Variants in HDAC4 observed in about 807,000 individuals in gnomAD.
The protein encoded by HDAC4 is histone deacetylase 4.
In HDAC4, 16 loss-of-function variants were observed where a neutral mutation model predicts 135.1. That is an observed-to-expected ratio of 0.12 (90% CI 0.08 to 0.18). The LOEUF is 0.18. Ranked by LOEUF, HDAC4 falls within the 10% of genes least tolerant of loss-of-function variation. The pLI is 1.00. For synonymous variants in HDAC4, 685 were observed against 653.4 expected (o/e 1.05, Z -0.74); for missense variants, 1,143 against 1,511.8 (o/e 0.76, Z 4.05).
In HDAC4 at chr2:239,371,751, C is replaced by T. The variant is rs575609462; in HGVS notation, c.-219-18833G>A. 3.3e-5 allele frequency among the ~76,000 whole-genome samples: 5 copies of T among 152,328 alleles called. No homozygotes were observed. In the South Asian group the frequency reaches 8.3e-4, roughly 25 times the overall value. ...GCAGGATGGAGACTGGAGCCTCTGT[C>T]GGCGTGGCCCGGGCCTTTACCTGTG... On this transcript the variant is annotated intron_variant, in intron 1 of 26. Transcript: ENST00000543185.
At chr2:239,069,649 GT>G (rs1187888702) in intron 22 of HDAC4, among the ~76,000 whole-genome samples, 1 of 84,466 alleles carries the variant, frequency 1.2e-5, no homozygotes, top group Non-Finnish European at 2.7e-5. Context: ...CTTGGTGAGA[GT>G]GAGTCACGGT....
intron 6 of HDAC4, 151 bp downstream of exon 6, chr2:239,163,652 C>T: frequency 1.2e-6 from 1 of 849,404 alleles, no homozygotes; most frequent in South Asian, 1.3e-5. Context: ...ACGTCACCCA[C>T]ATCCGAGCAC....
intron 2 of HDAC4, among the ~76,000 whole-genome samples, chr2:239,243,447 C>A (rs765131873): frequency 6.6e-6 from 1 of 152,146 alleles, no homozygotes; most frequent in Admixed American, 6.6e-5. Context: ...CCACCGCTCC[C>A]GGCTGGATAA....
chr2:239,152,779 G>GT (rs1428399416), intron 7 of HDAC4, among the ~76,000 whole-genome samples: 1 of 152,202 alleles, frequency 6.6e-6, no homozygotes, highest in South Asian at 2.1e-4. Context: ...AGGCAAGGAG[G>GT]TGGGGGGATG....
chr2:239,159,300 C>T (rs569271177), intron 6 of HDAC4, among the ~76,000 whole-genome samples: 9 of 150,228 alleles, frequency 6.0e-5, no homozygotes, highest in African/African-American at 9.8e-5. Context: ...TCACTACTCA[C>T]GCCCAACTAC....
intron 1 of HDAC4, among the ~76,000 whole-genome samples, chr2:239,391,908 G>A (rs761848928): frequency 2.1e-5 from 1 of 48,676 alleles, no homozygotes; most frequent in African/African-American, 5.7e-5. Flanking sequence ...TCGTCAGAAC[G>A]CAGCCCGCGT....
chr2:239,391,364 C>A (rs543111464), intron 1 of HDAC4, among the ~76,000 whole-genome samples: 22 of 152,314 alleles, frequency 1.4e-4, no homozygotes, highest in African/African-American at 4.6e-4. Context: ...AGACGTCCAC[C>A]ACACCACGAC....
Position 239,193,646 on chromosome 2 carries a change from C to T in HDAC4, c.95-3569G>A, listed in dbSNP as rs570825373. ...TGCCATCTGCAATCCTAGAGTGTCACTCAGGCTTGGGGCCGGGAGAGCAGC... is the reference window on the plus strand; with the variant it reads ...TGCCATCTGCAATCCTAGAGTGTCATTCAGGCTTGGGGCCGGGAGAGCAGC... On this transcript the variant is annotated intron_variant, in intron 3 of 26. Transcript: ENST00000543185. Among the ~76,000 whole-genome samples the T allele has an allele frequency of 3.3e-5, 5 of 152,362 alleles. No homozygotes were observed. The South Asian group carries it at 1.0e-3, about 32-fold the overall frequency.
intron 9 of HDAC4, among the ~76,000 whole-genome samples, chr2:239,137,649 C>G (rs369469784): frequency 6.6e-6 from 1 of 152,196 alleles, no homozygotes; most frequent in East Asian, 1.9e-4. Flanking sequence ...CTCATCCACT[C>G]GAGACACCCC....
intron 2 of HDAC4, among the ~76,000 whole-genome samples, chr2:239,246,961 T>A (rs1197486832): frequency 1.3e-5 from 2 of 152,238 alleles, no homozygotes; most frequent in East Asian, 3.8e-4. Flanking sequence ...CGTGTGCAGT[T>A]TCACCAGAGC....
chr2:239,295,342 T>C (rs11883563), intron 2 of HDAC4, among the ~76,000 whole-genome samples: 4,424 of 138,550 alleles, frequency 0.032, 98 homozygotes, highest in East Asian at 0.07. Flanking sequence ...AAGATGATTA[T>C]AGTAAACTGG....
intron 2 of HDAC4, among the ~76,000 whole-genome samples, chr2:239,300,361 T>C (rs2052180205): frequency 6.6e-6 from 1 of 152,218 alleles, no homozygotes; most frequent in Admixed American, 6.5e-5. Context: ...TTTAATTTAA[T>C]TTAATTTGAA....
chr2:239,281,445 AACACACCACTCT>A lies in HDAC4; in HGVS notation c.23-44793_23-44782del, dbSNP rs1225978258. Among the ~76,000 whole-genome samples the A allele has an allele frequency of 2.1e-4, 30 of 139,982 alleles. No homozygotes were observed. In the East Asian group the frequency reaches 4.9e-3, roughly 23 times the overall value. The allele number at this position is 139,982 out of a possible 152,430, so 91.8% of individuals were successfully genotyped here. A position where few individuals can be genotyped will look rare whatever the true frequency, so the allele number is the denominator to read the frequency against. Reference sequence around the variant, plus strand: ...ACAATGTATACACCACTCTACAATGAACACACCACTCTACACACCACTCTACAATGTACACAC... The same window carrying A: ...ACAATGTATACACCACTCTACAATGAACACACCACTCTACAATGTACACAC... On this transcript the variant is annotated intron_variant, in intron 2 of 26. Transcript: ENST00000543185.
At chr2:239,101,799 C>T (rs949078205) in intron 16 of HDAC4, among the ~76,000 whole-genome samples, 1 of 151,992 alleles carries the variant, frequency 6.6e-6, no homozygotes, top group East Asian at 2.0e-4. Context: ...GCCCTGGAAG[C>T]CCCCGACCCT....
chr2:239,257,331 T>G (rs890192584), intron 2 of HDAC4, among the ~76,000 whole-genome samples: 2 of 151,874 alleles, frequency 1.3e-5, no homozygotes, highest in Non-Finnish European at 2.9e-5. Flanking sequence ...TAAACACATC[T>G]TCTTGATGAC....
intron 4 of HDAC4, among the ~76,000 whole-genome samples, 162 bp downstream of exon 4, chr2:239,189,671 C>T (rs1000295199): frequency 1.5e-4 from 23 of 152,328 alleles, no homozygotes; most frequent in African/African-American, 5.1e-4. Flanking sequence ...GTGCTGCCCG[C>T]GGTTTGTTGC....
At chr2:239,345,316 A>AG (rs1415071095) in intron 2 of HDAC4, among the ~76,000 whole-genome samples, 2 of 152,112 alleles carry the variant, frequency 1.3e-5, no homozygotes, top group African/African-American at 4.8e-5. Flanking sequence ...TGGGAGGCCG[A>AG]GGGGGCAGGA....
intron 2 of HDAC4, among the ~76,000 whole-genome samples, chr2:239,281,301 A>T (rs1319101954): frequency 9.0e-6 from 1 of 110,552 alleles, no homozygotes; most frequent in Non-Finnish European, 2.2e-5. Flanking sequence ...CAATGAACAC[A>T]CCACTCTACA....
At chr2:239,394,666 T>C (rs989122267) in intron 1 of HDAC4, among the ~76,000 whole-genome samples, 7 of 152,074 alleles carry the variant, frequency 4.6e-5, no homozygotes, top group African/African-American at 1.4e-4. Context: ...GGGCAGGGGG[T>C]GTCAGGAAAC....
Sources: gnomAD v4.1 joint callset for allele counts (sites outside exome capture counted in the v4.1 genomes callset) on GRCh38, gnomAD v4.1.1 for gene constraint, MANE v1.5 for transcripts, NCBI Gene and HGNC (gene_info 2026-07-23, HGNC 2026-07-21) for gene names.